The following ACSM6 variants were observed in gnomAD, a reference collection of about 807,000 sequenced individuals.
The protein encoded by ACSM6 is acyl-CoA synthetase medium chain family member 6, also known as acyl-coenzyme A synthetase ACSM6, mitochondrial.
Under a neutral mutation model 51.1 loss-of-function variants are expected in ACSM6, and 35 were observed. The observed-to-expected ratio is 0.69, with a 90% confidence interval of 0.52 to 0.91. The LOEUF (loss-of-function observed/expected upper bound fraction) is 0.91. Ranked by LOEUF, ACSM6 falls within the 40% of genes least tolerant of loss-of-function variation. The pLI is 0.00. For missense variants in ACSM6, 509 were observed against 584.1 expected, an observed-to-expected ratio of 0.87 and a Z score of 1.32; for synonymous variants, 172 against 207.3, an observed-to-expected ratio of 0.83 and a Z score of 1.46.
intron 2 of ACSM6, among the ~76,000 whole-genome samples, chr10:95,196,758 G>T (rs1438676154): frequency 3.3e-5 from 5 of 152,164 alleles, no homozygotes; most frequent in Non-Finnish European, 7.4e-5. Context: ...ATGCACTGTA[G>T]AAATAATATA....
chr10:95,228,484 C>G (rs1207920582), intron 10 of ACSM6, 160 bp from the exon 11 acceptor site: 1 of 623,740 alleles, frequency 1.6e-6, no homozygotes, highest in African/African-American at 1.9e-5. Flanking sequence ...GGAAAGTTCT[C>G]CGTGTTTGTT....
intron 2 of ACSM6, among the ~76,000 whole-genome samples, chr10:95,201,200 G>A (rs1181445252): frequency 6.6e-6 from 1 of 152,196 alleles, no homozygotes. Context: ...CTCAGGAGGT[G>A]CATGTGCAGG....
At position 95,203,857 on chromosome 10, in the gene ACSM6, TAAAAAAAA is replaced by T. The variant is rs34969526; in HGVS notation, c.403+1680_403+1687del. On this transcript the variant is annotated intron_variant, in intron 3 of 10. Coordinates refer to ENST00000341686, the Ensembl canonical transcript of ACSM6. Reference sequence around the variant, plus strand: ...TGCCTGCTAACAGGGATGCTAGATTTAAAAAAAAAAAAAAAAAAAAAAAAACTGAAAAG... The same window carrying T: ...TGCCTGCTAACAGGGATGCTAGATTTAAAAAAAAAAAAAAAAACTGAAAAG... Among the ~76,000 whole-genome samples the T allele has an allele frequency of 4.4e-4, 47 of 106,858 alleles. 1 individual carries two copies. Among genetic ancestry groups the T allele is most frequent in the African/African-American group, 1.4e-3 (37 of 27,200 alleles). The allele number at this position is 106,858 out of a possible 152,430, so 70.1% of individuals were successfully genotyped here.
chr10:95,198,293 A>C (rs1439072451), intron 2 of ACSM6, among the ~76,000 whole-genome samples: 2 of 152,206 alleles, frequency 1.3e-5, no homozygotes, highest in Non-Finnish European at 2.9e-5. Flanking sequence ...GCAAACCACT[A>C]AAGGTGCTTG....
intron 3 of ACSM6, among the ~76,000 whole-genome samples, chr10:95,202,641 G>A (rs1279716873): frequency 1.3e-5 from 2 of 152,024 alleles, no homozygotes; most frequent in Non-Finnish European, 2.9e-5. Context: ...GAATGTAGGG[G>A]TACTGGGTGC....
chr10:95,212,020 G>A (rs764843618), exon 6 of ACSM6: 3 of 1,614,080 alleles, frequency 1.9e-6, no homozygotes, highest in South Asian at 2.2e-5. Context: ...CTTCTGCCCT[G>A]AGACTGTTCT....
intron 2 of ACSM6, among the ~76,000 whole-genome samples, chr10:95,200,455 A>G (rs1232128011): frequency 6.6e-6 from 1 of 151,886 alleles, no homozygotes; most frequent in East Asian, 1.9e-4. Context: ...CATGTAACAA[A>G]CCTGCACATT....
intron 8 of ACSM6, among the ~76,000 whole-genome samples, chr10:95,216,192 C>T (rs2034942250): frequency 6.6e-6 from 1 of 152,092 alleles, no homozygotes; most frequent in African/African-American, 2.4e-5. Flanking sequence ...CTCAGCAACC[C>T]AGCATATCCA....
At chr10:95,223,531 T>C (rs765407227) in intron 9 of ACSM6, among the ~76,000 whole-genome samples, 2 of 152,008 alleles carry the variant, frequency 1.3e-5, no homozygotes, top group Non-Finnish European at 2.9e-5. Context: ...TGGTTCAAAC[T>C]ATAAAAACCA....
chr10:95,206,566 T>C (rs1589493014), intron 3 of ACSM6, among the ~76,000 whole-genome samples: 1 of 152,104 alleles, frequency 6.6e-6, no homozygotes, highest in Non-Finnish European at 1.5e-5. Flanking sequence ...AATAGGTCTG[T>C]AGTTGGGAGT....
rs565210816 is a variant in ACSM6, at chr10:95,228,752, G to A, written c.1411G>A (p.Asp471Asn). The A allele has an allele frequency of 1.0e-5, 16 of 1,551,662 alleles. No individual in the cohort carries two copies. The African/African-American group carries it at 1.6e-4, about 16-fold the overall frequency. ...CTTCTGGTGGTCTGGTAGAGTTGAT[G>A]ATGTTGCCAATGCATTGGGTCAGAG... Residue 471 changes from aspartate (D) to asparagine (N), a missense_variant, in exon 11 of 11, where the codon GAT becomes AAT. Asp to Asn is a conservative substitution (Grantham distance 23, BLOSUM62 1). Transcript: ENST00000341686.
At chr10:95,200,507 AGAAGAG>A (rs1319391862) in intron 2 of ACSM6, among the ~76,000 whole-genome samples, 9 of 151,948 alleles carry the variant, frequency 5.9e-5, no homozygotes, top group Admixed American at 2.6e-4. Flanking sequence ...GAAAAGAAGA[AGAAGAG>A]GAAGAGGAAG....
At chr10:95,225,240 A>C (rs1410634722) in intron 9 of ACSM6, 50 bp from the exon 10 acceptor site, 2 of 1,284,304 alleles carry the variant, frequency 1.6e-6, no homozygotes, top group Non-Finnish European at 2.2e-6. Flanking sequence ...TTTTAGGAAG[A>C]GCACAAGTGG....
chr10:95,200,397 G>A (rs1004852549), intron 2 of ACSM6, among the ~76,000 whole-genome samples: 10 of 151,612 alleles, frequency 6.6e-5, no homozygotes, highest in Non-Finnish European at 1.3e-4. Flanking sequence ...ACCTAATGCT[G>A]AATGACGAGT....
At chr10:95,203,503 A>C (rs981200102) in intron 3 of ACSM6, among the ~76,000 whole-genome samples, 7 of 152,154 alleles carry the variant, frequency 4.6e-5, no homozygotes, top group Admixed American at 4.6e-4. Flanking sequence ...CCAGTATTAG[A>C]GAGTCCTTGA....
chr10:95,212,917 G>A (rs1329672172), exon 7 of ACSM6: 3 of 1,612,620 alleles, frequency 1.9e-6, no homozygotes, highest in Non-Finnish European at 2.5e-6. Flanking sequence ...ACCAGGAACT[G>A]CTTCAGCACA....
At chr10:95,202,169 G>C (rs1396567469) in exon 3 of ACSM6, 1 of 1,552,176 alleles carries the variant, frequency 6.4e-7, no homozygotes, top group Non-Finnish European at 8.7e-7. Flanking sequence ...GAAGCCTACT[G>C]GATCTGCCTG....
Position 95,214,140 on chromosome 10 carries a change from A to G in ACSM6, c.996-712A>G, listed in dbSNP as rs183871977. ...GGATTAATTCAGAATCAGTTCTCCAATTTTGATCTTGCTTAGTCTTGGGAC... is the reference window on the plus strand; with the variant it reads ...GGATTAATTCAGAATCAGTTCTCCAGTTTTGATCTTGCTTAGTCTTGGGAC... On this transcript the variant is annotated intron_variant, in intron 7 of 10. Transcript: ENST00000341686. Among the ~76,000 whole-genome samples the G allele has an allele frequency of 1.5e-3, 224 of 152,272 alleles. 1 individual carries two copies. Among genetic ancestry groups the G allele is most frequent in the Admixed American group, 3.9e-3 (60 of 15,302 alleles).
At chr10:95,213,134 C>A (rs763235191) in intron 7 of ACSM6, among the ~76,000 whole-genome samples, 194 bp downstream of exon 7, 1 of 152,022 alleles carries the variant, frequency 6.6e-6, no homozygotes. Flanking sequence ...CATATCTTGA[C>A]CCAGAACATA....
Sources: gnomAD v4.1 joint callset for allele counts (sites outside exome capture counted in the v4.1 genomes callset) on GRCh38, gnomAD v4.1.1 for gene constraint, MANE v1.5 for transcripts, NCBI Gene and HGNC (gene_info 2026-07-23, HGNC 2026-07-21) for gene names.